Variants in SET observed in about 807,000 individuals in gnomAD.
SET encodes the protein SET nuclear proto-oncogene.
Under a neutral mutation model 39.0 loss-of-function variants are expected in SET, and 4 were observed. The ratio of observed to expected loss-of-function variants is 0.10; its 90% CI spans 0.05 to 0.23. SET has a LOEUF of 0.23. Among genes scored for constraint, SET ranks in the 10% least tolerant of loss-of-function variants. The pLI, the probability that SET is intolerant of heterozygous loss-of-function variation, is 1.00. For synonymous variants in SET, 114 were observed against 115.9 expected, an observed-to-expected ratio of 0.98 and a Z score of 0.11; for missense variants, 137 against 329.7, an observed-to-expected ratio of 0.42 and a Z score of 4.53.
At chr9:128,688,425 G>A (rs1289930257), upstream of SET, among the ~76,000 whole-genome samples, 2 of 152,128 alleles carry the variant, frequency 1.3e-5, no homozygotes, top group Non-Finnish European at 2.9e-5. Flanking sequence ...ACCGCCTATC[G>A]CTTGGGGCTG....
intron 3 of SET, 89 bp downstream of exon 3, chr9:128,692,089 T>A (rs919760967): frequency 6.7e-7 from 1 of 1,482,182 alleles, no homozygotes; most frequent in African/African-American, 1.4e-5. Flanking sequence ...GCATGCTGGG[T>A]TGCGTGCAAC....
chr9:128,691,357 T>TA (rs1861529078), intron 2 of SET, 130 bp downstream of exon 2: 2 of 657,442 alleles, frequency 3.0e-6, no homozygotes, highest in African/African-American at 1.8e-5. Flanking sequence ...TGGAAATACT[T>TA]ATGTAGATTC....
chr9:128,685,339 C>T, upstream of SET: 3 of 783,146 alleles, frequency 3.8e-6, no homozygotes, highest in Non-Finnish European at 6.5e-6. Flanking sequence ...AGCACATCAT[C>T]AGTGCTCTAG....
upstream of SET, among the ~76,000 whole-genome samples, chr9:128,688,190 G>A (rs534732092): frequency 1.3e-5 from 2 of 152,300 alleles, no homozygotes; most frequent in South Asian, 4.1e-4. Flanking sequence ...CAGCCTGGGG[G>A]ACAGAGCAAG....
rs997298654 is a variant in SET, at chr9:128,689,401, C to T, written c.-182C>T. 913 of 896,052 alleles carry T rather than the reference C, an allele frequency of 1.0e-3. 2 individuals carry two copies. Among genetic ancestry groups the T allele is most frequent in the Non-Finnish European group, 1.2e-3 (874 of 719,052 alleles). The allele number at this position is 896,052 out of a possible 1,614,324, so 55.5% of individuals were successfully genotyped here. A position where few individuals can be genotyped will look rare whatever the true frequency, so the allele number is the denominator to read the frequency against. On this transcript the variant is annotated 5_prime_UTR_variant, in exon 1 of 8. Coordinates refer to ENST00000322030, the MANE Select transcript of SET (RefSeq NM_003011.4). The stretch of plus-strand genomic sequence containing the variant: ...GCCGCCCCAGCCCGTCCCTCGGCGT[C>T]AGGCCGCGAGGGTAGCGCGCGCGAG...
chr9:128,689,038 G>A (rs1861388625), upstream of SET, among the ~76,000 whole-genome samples: 1 of 150,632 alleles, frequency 6.6e-6, no homozygotes. Flanking sequence ...GAGGGGACGC[G>A]GCGCGGGGGG....
chr9:128,687,617 CAAAAA>C (rs57072661), upstream of SET, among the ~76,000 whole-genome samples: 23 of 79,666 alleles, frequency 2.9e-4, no homozygotes, highest in Non-Finnish European at 3.9e-4. Context: ...CCTCCCCCAC[CAAAAA>C]AAAAAAAAAA....
rs1202603710 is a variant in SET at position 128,696,007 on chromosome 9, G to C, written c.*1343G>C. 3 of 226,082 alleles carry C rather than the reference G, an allele frequency of 1.3e-5. No individual in the cohort carries two copies. Among genetic ancestry groups the C allele is most frequent in the African/African-American group, 6.7e-5 (3 of 45,098 alleles). 14.0% of individuals were successfully genotyped at this position (226,082 alleles called of 1,614,324 possible). ...TAGGCTCTCAGTAAGAAGTCTGATG[G>C]TGAGCAGTAACTGTCCCTGCTTTCT... is the stretch of plus-strand genomic sequence containing the variant. On this transcript the variant is annotated 3_prime_UTR_variant, in exon 8 of 8. Coordinates refer to ENST00000322030, the MANE Select transcript of SET (RefSeq NM_003011.4).
upstream of SET, among the ~76,000 whole-genome samples, chr9:128,686,059 G>A (rs1483535016): frequency 1.3e-5 from 2 of 151,928 alleles, no homozygotes; most frequent in African/African-American, 4.8e-5. Context: ...GGGGCCAGGA[G>A]GAGAGGAGAG....
upstream of SET, among the ~76,000 whole-genome samples, chr9:128,687,795 G>A (rs1270036398): frequency 1.3e-5 from 2 of 152,148 alleles, no homozygotes; most frequent in East Asian, 1.9e-4. Flanking sequence ...CTGCATTGGG[G>A]CTCATTGAAG....
intron 3 of SET, chr9:128,692,446 C>T (rs932065047): frequency 9.5e-6 from 2 of 210,394 alleles, no homozygotes; most frequent in Non-Finnish European, 1.8e-5. Context: ...AAAAGATATA[C>T]AGCTACTGCT....
chr9:128,689,290 C>G lies in SET; in HGVS notation c.-293C>G. 9.8e-7 allele frequency: 1 copy of G among 1,017,744 alleles called. No homozygotes were observed. Among genetic ancestry groups the G allele is most frequent in the Non-Finnish European group, 1.2e-6 (1 of 850,376 alleles). The allele number at this position is 1,017,744 out of a possible 1,614,324, so 63.0% of individuals were successfully genotyped here. ...GCGAGCAGCGAGCTGGCTGGATCGC[C>G]GAGCGCGAGTGAGGGAGCCGAGCCG... On this transcript the variant is annotated 5_prime_UTR_variant, in exon 1 of 8. Coordinates refer to ENST00000322030, the MANE Select transcript of SET (RefSeq NM_003011.4).
chr9:128,692,521 T>G, intron 3 of SET, 141 bp from the exon 4 acceptor site: 1 of 617,894 alleles, frequency 1.6e-6, no homozygotes, highest in Non-Finnish European at 2.9e-6. Flanking sequence ...AGTCTGATAT[T>G]GAGCAATTGC....
intron 1 of SET, chr9:128,689,965 CCT>C (rs1281702700): frequency 4.5e-6 from 4 of 895,924 alleles, no homozygotes; most frequent in African/African-American, 3.7e-5. Context: ...TCCCGAGAAG[CCT>C]CTCTTTATTG....
intron 2 of SET, 67 bp downstream of exon 2, chr9:128,691,294 G>A (rs1238373379): frequency 2.0e-6 from 2 of 986,362 alleles, no homozygotes; most frequent in African/African-American, 1.6e-5. Flanking sequence ...GGTAATTATC[G>A]AAGCTATGGT....
Position 128,691,898 on chromosome 9 carries a change from C to A in SET, c.172C>A (p.Gln58Lys). 1 of 1,613,606 alleles carries A rather than the reference C, an allele frequency of 6.2e-7. No individual in the cohort carries two copies. The highest frequency in any genetic ancestry group is 8.5e-7 in the Non-Finnish European group (1 of 1,179,776). ...QASEEILKVE[Q>K]KYNKLRQPFF... ...CAGTGAGGAGATTTTGAAAGTAGAA[C>A]AGAAATATAACAAACTCCGCCAACC... Residue 58 changes from glutamine (Q) to lysine (K), a missense_variant, in exon 3 of 8, where the codon CAG (glutamine) becomes AAG (lysine). By Grantham distance (53) the Gln-to-Lys change is moderately conservative. Transcript: ENST00000322030.
upstream of SET, chr9:128,683,581 T>C (rs1861188873): frequency 6.9e-6 from 2 of 288,072 alleles, no homozygotes; most frequent in East Asian, 1.1e-4. Flanking sequence ...GGGTTTCACG[T>C]GAAACCAGGA....
intron 1 of SET, 31 bp downstream of exon 1, chr9:128,689,686 C>CAG: frequency 1.3e-6 from 1 of 777,994 alleles, no homozygotes; most frequent in Admixed American, 5.3e-5. Context: ...GGCCGGCCCG[C>CAG]GCCGCCATCT....
intron 2 of SET, 74 bp from the exon 3 acceptor site, chr9:128,691,784 C>G: frequency 7.1e-7 from 1 of 1,406,358 alleles, no homozygotes; most frequent in Non-Finnish European, 9.7e-7. Flanking sequence ...TAAGTAAATA[C>G]ACTCTGTAAT....
Sources: allele counts gnomAD v4.1 joint callset (sites outside exome capture counted in the v4.1 genomes callset), GRCh38; gene constraint gnomAD v4.1.1; transcripts MANE v1.5; gene names NCBI Gene and HGNC (gene_info 2026-07-23, HGNC 2026-07-21).